The following ZMYND8 variants were observed in gnomAD, a reference collection of about 807,000 sequenced individuals.
ZMYND8 encodes MYND-type zinc finger-containing chromatin reader ZMYND8.
Under a neutral mutation model 140.8 loss-of-function variants are expected in ZMYND8, and 37 were observed. The ratio of observed to expected loss-of-function variants is 0.26; its 90% CI spans 0.20 to 0.35. ZMYND8 has a LOEUF of 0.35. Among genes scored for constraint, ZMYND8 ranks in the 10% least tolerant of loss-of-function variants. The pLI, the probability that ZMYND8 is intolerant of heterozygous loss-of-function variation, is 1.00. For missense variants in ZMYND8, 1,068 were observed against 1,570.0 expected, an observed-to-expected ratio of 0.68 and a Z score of 5.40; for synonymous variants, 592 against 597.1, an observed-to-expected ratio of 0.99 and a Z score of 0.12.
At chr20:47,307,081 T>G (rs553630572) in intron 3 of ZMYND8, among the ~76,000 whole-genome samples, 1 of 152,086 alleles carries the variant, frequency 6.6e-6, no homozygotes, top group Non-Finnish European at 1.5e-5. Context: ...GGTGATGGCA[T>G]TAGAGAAGTG....
intron 16 of ZMYND8, among the ~76,000 whole-genome samples, chr20:47,231,224 C>G (rs2038434859): frequency 1.3e-5 from 2 of 152,152 alleles, no homozygotes; most frequent in African/African-American, 2.4e-5. Context: ...GCTGACTCTT[C>G]CCCCATTACA....
chr20:47,339,952 T>G (rs1263718461), intron 2 of ZMYND8, among the ~76,000 whole-genome samples: 2 of 150,424 alleles, frequency 1.3e-5, no homozygotes, highest in Admixed American at 6.6e-5. Context: ...GTGGTTTTTG[T>G]TTTTTTTTGA....
At chr20:47,217,253 G>A (rs556744250) in intron 21 of ZMYND8, among the ~76,000 whole-genome samples, 5 of 150,406 alleles carry the variant, frequency 3.3e-5, no homozygotes, top group South Asian at 2.2e-4. Context: ...GCAGAGCCAC[G>A]CACAAGTGCC....
chr20:47,332,927 G>T (rs1432514761), intron 2 of ZMYND8, among the ~76,000 whole-genome samples: 1 of 152,086 alleles, frequency 6.6e-6, no homozygotes, highest in East Asian at 1.9e-4. Flanking sequence ...CACATACATA[G>T]ATAAACAAAG....
At chr20:47,267,987 T>G (rs2075655262) in intron 11 of ZMYND8, among the ~76,000 whole-genome samples, 1 of 152,154 alleles carries the variant, frequency 6.6e-6, no homozygotes, top group Non-Finnish European at 1.5e-5. Context: ...GTCTTTCCTT[T>G]TGACATGAAA....
intron 7 of ZMYND8, 34 bp from the exon 8 acceptor site, chr20:47,287,318 G>A (rs781069413): frequency 6.6e-5 from 103 of 1,568,142 alleles, no homozygotes; most frequent in Non-Finnish European, 6.9e-5. Flanking sequence ...TAATTCTAAT[G>A]GAAATACCGC....
chr20:47,310,275 G>A, intron 2 of ZMYND8, 71 bp from the exon 3 acceptor site: 2 of 1,520,348 alleles, frequency 1.3e-6, no homozygotes, highest in Non-Finnish European at 1.8e-6. Context: ...AGGAGGTGTG[G>A]AGGAACCAAG....
chr20:47,276,177 T>C, intron 11 of ZMYND8, 137 bp downstream of exon 11: 2 of 1,252,878 alleles, frequency 1.6e-6, no homozygotes, highest in Non-Finnish European at 2.1e-6. Context: ...TGGTGACTTC[T>C]TGAAAATCTG....
In ZMYND8 at chr20:47,249,518, G is replaced by A. The variant is rs1283474723; in HGVS notation, c.1622-79C>T. On this transcript the variant is annotated intron_variant, in intron 12 of 22. Transcript: ENST00000471951. ...GGAGCTTCGTCCTTGCAAAGTCAGA[G>A]CAAAACACACATTTTAGAACATGGG... 5.2e-6 allele frequency: 8 copies of A among 1,550,110 alleles called. No individual in the cohort carries two copies. The East Asian group carries it at 1.6e-4, about 31-fold the overall frequency.
chr20:47,268,540 G>C (rs1003126339), intron 11 of ZMYND8, among the ~76,000 whole-genome samples: 1 of 151,504 alleles, frequency 6.6e-6, no homozygotes, highest in Non-Finnish European at 1.5e-5. Context: ...TGATCCGCCC[G>C]CCTCGGCCTC....
rs1033264250 is a variant in ZMYND8 at position 47,276,781 on chromosome 20, A to G, written c.1013T>C (p.Ile338Thr). ...TTTAGACATGAGGTAGCAATTATTT[A>G]TTGGAACCCAGGCCCTAGAAGGGCA... is the stretch of plus-strand genomic sequence containing the variant. ...FGQHDRAWVPINNCYLMSKEI... is the reference protein window; with the variant it reads ...FGQHDRAWVPTNNCYLMSKEI... The change falls in exon 11 of 23, where the codon ATA becomes ACA. Residue 338 changes from isoleucine (I) to threonine (T), a missense_variant. Around this residue, in one of 10 missense-constraint regions of ZMYND8, gnomAD observed 49 missense variants for 94.1 expected, o/e 0.52. Coordinates refer to ENST00000471951, the MANE Select transcript of ZMYND8 (RefSeq NM_001281775.3). 4.3e-6 allele frequency: 7 copies of G among 1,609,982 alleles called. No individual in the cohort carries two copies. In the African/African-American group the frequency reaches 9.4e-5, roughly 22 times the overall value.
intron 1 of ZMYND8, chr20:47,349,917 G>T (rs947057088): frequency 3.1e-5 from 48 of 1,535,372 alleles, no homozygotes; most frequent in Middle Eastern, 1.7e-4. Context: ...ATGGAGGAAG[G>T]CTGCATTCAA....
At chr20:47,337,996 C>T (rs1057172311) in intron 2 of ZMYND8, among the ~76,000 whole-genome samples, 5 of 151,960 alleles carry the variant, frequency 3.3e-5, no homozygotes, top group African/African-American at 9.7e-5. Flanking sequence ...GAATTCTGCA[C>T]CAATTATTGT....
At chr20:47,213,437 A>G (rs1421617916) in intron 21 of ZMYND8, among the ~76,000 whole-genome samples, 1 of 152,276 alleles carries the variant, frequency 6.6e-6, no homozygotes, top group Non-Finnish European at 1.5e-5. Flanking sequence ...ACAGTACACT[A>G]TGTGACTCTG....
rs2035114388 is a variant in ZMYND8, at chr20:47,210,697, C to T, written c.*64G>A. 6.2e-7 allele frequency: 1 copy of T among 1,613,358 alleles called. No individual in the cohort carries two copies. The highest frequency in any genetic ancestry group is 8.5e-7 in the Non-Finnish European group (1 of 1,179,516). ...GGCTGTTCTCCTGCCTTTGTTGTTTCTTCTTTTCCTGGCGTCTGGGTTTTT... is the reference window on the plus strand; with the variant it reads ...GGCTGTTCTCCTGCCTTTGTTGTTTTTTCTTTTCCTGGCGTCTGGGTTTTT... On this transcript the variant is annotated 3_prime_UTR_variant, in exon 23 of 23. Transcript: ENST00000471951.
chr20:47,302,038 T>C (rs1358394826), intron 3 of ZMYND8, among the ~76,000 whole-genome samples: 3 of 152,162 alleles, frequency 2.0e-5, no homozygotes, highest in African/African-American at 2.4e-5. Context: ...CCACCTTGAT[T>C]GTAAGTTTCC....
chr20:47,281,929 C>T (rs960364577), intron 10 of ZMYND8, among the ~76,000 whole-genome samples, 173 bp downstream of exon 10: 3 of 152,118 alleles, frequency 2.0e-5, no homozygotes, highest in Non-Finnish European at 2.9e-5. Context: ...CTGTAGCCCA[C>T]GCCATTACCA....
chr20:47,307,178 C>T (rs563689128), intron 3 of ZMYND8, among the ~76,000 whole-genome samples: 12 of 152,094 alleles, frequency 7.9e-5, no homozygotes, highest in East Asian at 3.9e-4. Context: ...TGGCCAGGCA[C>T]GGTGGCTCAT....
In ZMYND8 at chr20:47,356,687, T is replaced by A; in HGVS notation, c.-17A>T. The A allele has an allele frequency of 6.2e-7, 1 of 1,614,182 alleles. No homozygotes were observed. The highest frequency in any genetic ancestry group is 8.5e-7 in the Non-Finnish European group (1 of 1,180,032). On this transcript the variant is annotated 5_prime_UTR_variant, in exon 1 of 23. Transcript: ENST00000471951. Reference sequence around the variant, plus strand: ...TGGATGCATTGTTAACACTGTGTAATGTCAATACTTATAAAACATGGAGGA... The same window carrying A: ...TGGATGCATTGTTAACACTGTGTAAAGTCAATACTTATAAAACATGGAGGA...
Sources: allele counts gnomAD v4.1 joint callset (sites outside exome capture counted in the v4.1 genomes callset), GRCh38; gene constraint gnomAD v4.1.1; regional missense constraint gnomAD v4.1.1; transcripts MANE v1.5; gene names NCBI Gene and HGNC (gene_info 2026-07-23, HGNC 2026-07-21).